SRPRB: variants seen among roughly 807,000 people sequenced by gnomAD.
SRPRB encodes the protein signal recognition particle receptor subunit beta.
A neutral mutation model predicts 31.9 loss-of-function variants in SRPRB; 20 were observed. The observed-to-expected ratio is 0.63, with a 90% confidence interval of 0.44 to 0.91. The LOEUF (loss-of-function observed/expected upper bound fraction) is 0.91. Ranked by LOEUF, SRPRB falls within the 40% of genes least tolerant of loss-of-function variation. The probability of loss-of-function intolerance (pLI) is 0.00; values close to 1 mark genes in which losing one functional copy is unlikely to be tolerated. For synonymous variants in SRPRB, 146 were observed against 132.8 expected (o/e 1.10, Z -0.68); for missense variants, 321 against 324.9 (o/e 0.99, Z 0.09).
At chr3:133,809,084 C>G (rs1056249942) in intron 3 of SRPRB, among the ~76,000 whole-genome samples, 3 of 151,780 alleles carry the variant, frequency 2.0e-5, no homozygotes, top group Admixed American at 2.0e-4. Context: ...CCTCTGCCTC[C>G]CGAGTTGAAG....
upstream of SRPRB, among the ~76,000 whole-genome samples, chr3:133,802,194 C>T (rs1249609594): frequency 6.6e-6 from 1 of 152,116 alleles, no homozygotes; most frequent in Non-Finnish European, 1.5e-5. Context: ...CACTTGAGCC[C>T]AGGAGCTCAA....
chr3:133,787,922 G>A (rs1440619523), intron 1 of SRPRB: 1 of 152,158 alleles, frequency 6.6e-6, no homozygotes, highest in Non-Finnish European at 1.5e-5. Flanking sequence ...TTCTGAAAAC[G>A]ACTTTTGGAA....
chr3:133,811,904 A>G (rs1707256266), intron 4 of SRPRB, among the ~76,000 whole-genome samples: 1 of 152,160 alleles, frequency 6.6e-6, no homozygotes, highest in South Asian at 2.1e-4. Flanking sequence ...CAAATTACGT[A>G]AAATTGATGT....
chr3:133,827,835 C>T (rs1450440221), downstream of SRPRB: 5 of 606,544 alleles, frequency 8.2e-6, no homozygotes, highest in Admixed American at 1.1e-4. Flanking sequence ...TTCAGGATGG[C>T]ACACTGCCCA....
chr3:133,808,606 T>C (rs1935203745), intron 3 of SRPRB, among the ~76,000 whole-genome samples: 1 of 152,120 alleles, frequency 6.6e-6, no homozygotes, highest in Non-Finnish European at 1.5e-5. Flanking sequence ...TAAGGAATCA[T>C]GGGGCCTGGC....
chr3:133,793,134 T>C (rs985222218), intron 1 of SRPRB: 1 of 152,126 alleles, frequency 6.6e-6, no homozygotes, highest in African/African-American at 2.4e-5. Flanking sequence ...TAATGAAAGA[T>C]CTTTGTTTGC....
downstream of SRPRB, among the ~76,000 whole-genome samples, chr3:133,823,801 A>ATT (rs1167062385): frequency 6.6e-6 from 1 of 151,992 alleles, no homozygotes; most frequent in Non-Finnish European, 1.5e-5. Context: ...GTCAAAGGTC[A>ATT]TTATAGTTCA....
chr3:133,824,687 T>G (rs567708575), downstream of SRPRB: 1 of 151,966 alleles, frequency 6.6e-6, no homozygotes, highest in Admixed American at 6.5e-5. Context: ...TCAATCAGAG[T>G]AGACTTGGGG....
chr3:133,813,829 GT>G (rs1935316147), intron 4 of SRPRB, among the ~76,000 whole-genome samples: 1 of 152,164 alleles, frequency 6.6e-6, no homozygotes, highest in Non-Finnish European at 1.5e-5. Flanking sequence ...TCCATAAGCG[GT>G]TCATAGTTCC....
chr3:133,788,378 G>C (rs567047252), intron 1 of SRPRB: 1 of 152,200 alleles, frequency 6.6e-6, no homozygotes, highest in African/African-American at 2.4e-5. Context: ...ATTTAAACCC[G>C]AGAAAATTCT....
chr3:133,796,844 C>CTTTTGA (rs1465852105), intron 1 of SRPRB, among the ~76,000 whole-genome samples: 2 of 152,104 alleles, frequency 1.3e-5, no homozygotes, highest in African/African-American at 4.8e-5. Flanking sequence ...TGTAGATATC[C>CTTTTGA]TTTTGATTCA....
At chr3:133,812,834 T>TC (rs758436014) in intron 4 of SRPRB, among the ~76,000 whole-genome samples, 21 of 152,240 alleles carry the variant, frequency 1.4e-4, no homozygotes, top group Non-Finnish European at 2.4e-4. Context: ...TACTTTTTTT[T>TC]CCTCTTACAT....
chr3:133,805,786 C>G, upstream of SRPRB: 11 of 1,517,336 alleles, frequency 7.2e-6, no homozygotes, highest in Admixed American at 2.2e-5. Context: ...CTCTGCTCCC[C>G]GCGCCTGCGC....
downstream of SRPRB, among the ~76,000 whole-genome samples, chr3:133,821,821 G>A (rs1297997698): frequency 6.6e-6 from 1 of 152,162 alleles, no homozygotes; most frequent in Non-Finnish European, 1.5e-5. Flanking sequence ...AGATGATCTG[G>A]CCTGGAGTGT....
Position 133,807,730 on chromosome 3 carries a change from C to G in SRPRB, c.250-16C>G, listed in dbSNP as rs770989562. The G allele has an allele frequency of 6.3e-7, 1 of 1,587,188 alleles. No homozygotes were observed. The highest frequency in any genetic ancestry group is 1.1e-5 in the South Asian group (1 of 89,738). On this transcript the variant is annotated splice_polypyrimidine_tract_variant and intron_variant, in intron 2 of 6. Transcript: ENST00000678299. The stretch of plus-strand genomic sequence containing the variant: ...TATTAAAATGTTGAATATCACCCAT[C>G]TTGTTTTTTTTACAGTTGTTAACAG...
chr3:133,821,178 C>CCA lies in SRPRB; in HGVS notation c.*1412_*1413insCA, dbSNP rs1935468178. 2 of 152,218 alleles carry CCA rather than the reference C, an allele frequency of 1.3e-5. No individual in the cohort carries two copies. Among genetic ancestry groups the CCA allele is most frequent in the South Asian group, 4.1e-4 (2 of 4,824 alleles). 9.4% of individuals were successfully genotyped at this position (152,218 alleles called of 1,614,324 possible). On this transcript the variant is annotated 3_prime_UTR_variant, in exon 7 of 7. Coordinates refer to ENST00000678299, the MANE Select transcript of SRPRB (RefSeq NM_001379313.1). ...TGGTCACTTGGGCTCTAGGAGTATA[C>CCA]GTCACCTCAGACCATCTGGCAGAAA... is the stretch of plus-strand genomic sequence containing the variant.
At chr3:133,803,508 CCT>C (rs1935092136), upstream of SRPRB, among the ~76,000 whole-genome samples, 1 of 152,180 alleles carries the variant, frequency 6.6e-6, no homozygotes, top group South Asian at 2.1e-4. Context: ...TTACATTTCC[CCT>C]GTGGCCTGGC....
At chr3:133,805,304 C>T (rs1220077995), upstream of SRPRB, among the ~76,000 whole-genome samples, 1 of 151,978 alleles carries the variant, frequency 6.6e-6, no homozygotes, top group Non-Finnish European at 1.5e-5. Context: ...ACCTTTTTTT[C>T]CTTTAACCAC....
At chr3:133,792,579 T>G (rs1934868123) in intron 1 of SRPRB, 1 of 152,188 alleles carries the variant, frequency 6.6e-6, no homozygotes, top group Non-Finnish European at 1.5e-5. Context: ...TACCAAAGTT[T>G]TCACCAAAAG....
Sources: allele counts gnomAD v4.1 joint callset (sites outside exome capture counted in the v4.1 genomes callset), GRCh38; gene constraint gnomAD v4.1.1; transcripts MANE v1.5; gene names NCBI Gene and HGNC (gene_info 2026-07-23, HGNC 2026-07-21).